SLC41A3: variants seen among roughly 807,000 people sequenced by gnomAD.
SLC41A3 encodes the protein solute carrier family 41 member 3.
SLC41A3 carries 44 observed loss-of-function variants against 45.4 expected under a neutral mutation model. The observed-to-expected ratio is 0.97, with a 90% CI of 0.76 to 1.25. The LOEUF is 1.25. SLC41A3 is among the 50% of genes most tolerant of loss of function. The pLI is 0.00. For missense variants in SLC41A3, 550 were observed against 600.6 expected (o/e 0.92, Z 0.88); for synonymous variants, 256 against 252.4 (o/e 1.01, Z -0.13).
intron 1 of SLC41A3, chr3:126,095,367 C>T (rs62263499): frequency 0.062 from 32,372 of 524,684 alleles, 1,096 homozygotes; most frequent in Non-Finnish European, 0.074. Context: ...AACCACCCAC[C>T]GGAGGACAGA....
chr3:126,094,507 TGACTTAAGAGCC>T (rs1945555784), intron 1 of SLC41A3, among the ~76,000 whole-genome samples: 5 of 152,266 alleles, frequency 3.3e-5, no homozygotes, highest in Non-Finnish European at 7.3e-5. Context: ...GAATGTTAAC[TGACTTAAGAGCC>T]ATCAATTCAG....
intron 2 of SLC41A3, among the ~76,000 whole-genome samples, chr3:126,062,441 C>T (rs1944120035): frequency 6.6e-6 from 1 of 152,212 alleles, no homozygotes; most frequent in African/African-American, 2.4e-5. Flanking sequence ...TCTGCCATCA[C>T]ACACAGTCAT....
intron 1 of SLC41A3, chr3:126,070,310 G>C (rs1412834609): frequency 1.3e-5 from 2 of 152,236 alleles, no homozygotes; most frequent in Non-Finnish European, 2.9e-5. Context: ...TCCCTCTCCT[G>C]TCAGATCACC....
At chr3:126,019,759 G>C (rs373452997) in intron 6 of SLC41A3, among the ~76,000 whole-genome samples, 2 of 152,186 alleles carry the variant, frequency 1.3e-5, no homozygotes, top group African/African-American at 4.8e-5. Context: ...AGGTTCCCAG[G>C]CCTCTGAGAT....
chr3:126,033,783 T>C (rs1470411461), intron 3 of SLC41A3, 105 bp from the exon 4 acceptor site: 3 of 1,202,658 alleles, frequency 2.5e-6, no homozygotes, highest in African/African-American at 1.5e-5. Context: ...ACAAATACCA[T>C]TTCATCAGCG....
intron 1 of SLC41A3, among the ~76,000 whole-genome samples, chr3:126,079,980 C>T (rs1945071254): frequency 6.6e-6 from 1 of 152,196 alleles, no homozygotes; most frequent in African/African-American, 2.4e-5. Context: ...AAAGGACAGT[C>T]TCCTCAATAG....
intron 7 of SLC41A3, among the ~76,000 whole-genome samples, chr3:126,016,040 C>T (rs755780927): frequency 6.6e-5 from 10 of 152,208 alleles, no homozygotes; most frequent in Non-Finnish European, 1.2e-4. Context: ...TCTTAGAGCC[C>T]TGGAGAAGCT....
intron 4 of SLC41A3, 118 bp downstream of exon 4, chr3:126,033,489 T>C (rs1203115396): frequency 1.6e-5 from 17 of 1,093,380 alleles, no homozygotes; most frequent in Non-Finnish European, 2.2e-5. Flanking sequence ...GGTAGCTACC[T>C]GTTCTCAAAG....
intron 3 of SLC41A3, among the ~76,000 whole-genome samples, chr3:126,044,895 C>A (rs1181659754): frequency 1.5e-4 from 12 of 82,714 alleles, no homozygotes; most frequent in African/African-American, 4.2e-4. Flanking sequence ...GACTCCATCT[C>A]AAAAAAAAAA....
chr3:126,017,219 C>G, intron 6 of SLC41A3, among the ~76,000 whole-genome samples: 1 of 152,240 alleles, frequency 6.6e-6, no homozygotes, highest in East Asian at 1.9e-4. Flanking sequence ...GCACTATGCT[C>G]AGTACTTCGG....
intron 1 of SLC41A3, among the ~76,000 whole-genome samples, chr3:126,093,142 A>C (rs1466514796): frequency 6.6e-6 from 1 of 152,174 alleles, no homozygotes. Flanking sequence ...CAACAGGGAA[A>C]TATAGCTACA....
intron 2 of SLC41A3, among the ~76,000 whole-genome samples, chr3:126,067,212 C>A (rs1406084546): frequency 6.6e-6 from 1 of 151,356 alleles, no homozygotes; most frequent in Non-Finnish European, 1.5e-5. Flanking sequence ...AGTTATCCTA[C>A]CAATTTATTC....
intron 2 of SLC41A3, chr3:126,056,813 T>C (rs1943699516): frequency 1.5e-6 from 2 of 1,296,264 alleles, no homozygotes; most frequent in Non-Finnish European, 2.0e-6. Flanking sequence ...TGTCCCTCCC[T>C]GAAGGTCAGG....
intron 1 of SLC41A3, among the ~76,000 whole-genome samples, chr3:126,071,226 A>C (rs1327009524): frequency 1.3e-5 from 2 of 152,198 alleles, no homozygotes; most frequent in Non-Finnish European, 2.9e-5. Flanking sequence ...GCAAACAATA[A>C]CCAAAAGATA....
At chr3:126,047,568 T>C (rs1329544369) in intron 3 of SLC41A3, among the ~76,000 whole-genome samples, 2 of 152,054 alleles carry the variant, frequency 1.3e-5, no homozygotes, top group East Asian at 1.9e-4. Context: ...TGGAGATCAA[T>C]GGAATAAAAT....
intron 1 of SLC41A3, 96 bp from the exon 2 acceptor site, chr3:126,068,342 C>T: frequency 8.3e-7 from 1 of 1,204,798 alleles, no homozygotes; most frequent in African/African-American, 1.5e-5. Context: ...CCCAGGCCGG[C>T]ATGGTCCCAT....
intron 6 of SLC41A3, among the ~76,000 whole-genome samples, chr3:126,019,107 T>C (rs554997977): frequency 5.9e-5 from 9 of 152,210 alleles, no homozygotes; most frequent in Non-Finnish European, 1.2e-4. Context: ...AGGCTGCCTC[T>C]GGTGAGGGCC....
chr3:126,046,961 C>CA (rs36095026), intron 3 of SLC41A3, among the ~76,000 whole-genome samples: 32,862 of 79,810 alleles, frequency 0.41, 4,207 homozygotes, highest in African/African-American at 0.42. Flanking sequence ...AACTCCATCT[C>CA]AAAAAAAAAA....
chr3:126,060,475 G>A (rs1944005351), intron 2 of SLC41A3, among the ~76,000 whole-genome samples: 1 of 67,282 alleles, frequency 1.5e-5, no homozygotes, highest in African/African-American at 5.1e-5. Flanking sequence ...CATGCACAGT[G>A]AAACGTTCAG....
Sources: allele counts gnomAD v4.1 joint callset (sites outside exome capture counted in the v4.1 genomes callset), GRCh38; gene constraint gnomAD v4.1.1; transcripts MANE v1.5; gene names NCBI Gene and HGNC (gene_info 2026-07-23, HGNC 2026-07-21).